Variants in CDC123 observed in about 807,000 individuals in gnomAD.
CDC123 encodes cell division cycle 123, also known as translation initiation factor eIF2 assembly protein.
In CDC123, 37 loss-of-function variants were observed where a neutral mutation model predicts 54.4. The observed-to-expected ratio is 0.68, with a 90% confidence interval of 0.52 to 0.89. The LOEUF is 0.89. CDC123 is among the 40% of genes least tolerant of loss of function. The pLI is 0.00. For synonymous variants in CDC123, 144 were observed against 136.8 expected, an observed-to-expected ratio of 1.05 and a Z score of -0.37; for missense variants, 361 against 412.1, an observed-to-expected ratio of 0.88 and a Z score of 1.07.
intron 10 of CDC123, among the ~76,000 whole-genome samples, chr10:12,244,329 A>G (rs1251849972): frequency 6.6e-6 from 1 of 152,270 alleles, no homozygotes; most frequent in African/African-American, 2.4e-5. Flanking sequence ...CAAATATATG[A>G]ATGTTTCAGT....
At position 12,227,796 on chromosome 10, in the gene CDC123, C is replaced by G. The variant is rs147038392; in HGVS notation, c.441-3152C>G. On this transcript the variant is annotated intron_variant, in intron 6 of 12. Coordinates refer to ENST00000281141, the MANE Select transcript of CDC123 (RefSeq NM_006023.3). ...CAGGCGTGAGTCACCGCACCCAGTC[C>G]AAAAATAATTTTCTTAAATAATAGA... 3.2e-3 allele frequency among the ~76,000 whole-genome samples: 481 copies of G among 151,948 alleles called. 5 individuals are homozygous for G. The highest frequency in any genetic ancestry group is 0.011 in the African/African-American group (447 of 41,438).
At position 12,246,189 on chromosome 10, in the gene CDC123, TCA is replaced by T; in HGVS notation, c.761_762del (p.Thr254ArgfsTer13). 6.2e-7 allele frequency: 1 copy of T among 1,614,076 alleles called. No homozygotes were observed. The highest frequency in any genetic ancestry group is 8.5e-7 in the Non-Finnish European group (1 of 1,179,916). On this transcript the variant is annotated frameshift_variant, in exon 11 of 13. Transcript: ENST00000281141. LOFTEE classifies it high-confidence loss of function. ...ATTGACTTTAATCCATTTGGTGAAG[TCA>T]CAGATTCACTGCTGTTCACCTGGGA... is the stretch of plus-strand genomic sequence containing the variant.
At chr10:12,232,094 G>C (rs150716171) in intron 7 of CDC123, among the ~76,000 whole-genome samples, 3,120 of 152,118 alleles carry the variant, frequency 0.021, 103 homozygotes, top group African/African-American at 0.07. Context: ...TGAAACGCCT[G>C]CCTCAGCCTC....
At chr10:12,208,611 G>A (rs1229809605) in intron 2 of CDC123, among the ~76,000 whole-genome samples, 1 of 152,202 alleles carries the variant, frequency 6.6e-6, no homozygotes, top group African/African-American at 2.4e-5. Context: ...GCTTTGTGCA[G>A]CGCTGATAAT....
intron 6 of CDC123, among the ~76,000 whole-genome samples, chr10:12,226,409 C>A (rs1056434065): frequency 1.3e-5 from 2 of 151,976 alleles, no homozygotes; most frequent in African/African-American, 4.8e-5. Context: ...GGCTCTCCCC[C>A]ACCTCCTGGA....
intron 4 of CDC123, among the ~76,000 whole-genome samples, chr10:12,213,940 T>TA (rs113200985): frequency 0.019 from 2,924 of 152,306 alleles, 85 homozygotes; most frequent in African/African-American, 0.065. Flanking sequence ...CACTATCACT[T>TA]ACCTAGAATT....
chr10:12,217,675 C>T (rs1219217452), intron 6 of CDC123, among the ~76,000 whole-genome samples: 1 of 152,198 alleles, frequency 6.6e-6, no homozygotes, highest in Non-Finnish European at 1.5e-5. Flanking sequence ...ATGTTAAGGA[C>T]TTCCTGCGTC....
chr10:12,225,863 CAT>C (rs1459026122), intron 6 of CDC123, among the ~76,000 whole-genome samples: 3 of 138,312 alleles, frequency 2.2e-5, no homozygotes, highest in Admixed American at 1.6e-4. Flanking sequence ...AGCAGATAAA[CAT>C]GTGAACAAGG....
In CDC123 at chr10:12,238,466, A is replaced by G. The variant is rs751551758; in HGVS notation, c.698A>G (p.Asp233Gly). 6.2e-7 allele frequency: 1 copy of G among 1,607,550 alleles called. No homozygotes were observed. The highest frequency in any genetic ancestry group is 8.5e-7 in the Non-Finnish European group (1 of 1,178,080). Residue 233 changes from aspartate (D) to glycine (G), a missense_variant, in exon 10 of 13, where the codon GAT becomes GGT. Asp to Gly is a moderately conservative substitution (Grantham distance 94). Coordinates refer to ENST00000281141, the MANE Select transcript of CDC123 (RefSeq NM_006023.3). ...TTTTTCTCCTTTACAGTTGTGTTCGATATATACAGAGACAGTAGGGTAAGT... is the reference window on the plus strand; with the variant it reads ...TTTTTCTCCTTTACAGTTGTGTTCGGTATATACAGAGACAGTAGGGTAAGT... Reference protein sequence around the residue: ...YKFLDEDFVFDIYRDSRGKVW... With the variant: ...YKFLDEDFVFGIYRDSRGKVW...
chr10:12,225,945 T>G (rs1235678535), intron 6 of CDC123, among the ~76,000 whole-genome samples: 1 of 151,780 alleles, frequency 6.6e-6, no homozygotes, highest in Non-Finnish European at 1.5e-5. Context: ...TACTTGAGAT[T>G]AGGGAGTGGT....
intron 10 of CDC123, among the ~76,000 whole-genome samples, chr10:12,241,329 C>T (rs766582641): frequency 6.6e-6 from 1 of 152,074 alleles, no homozygotes; most frequent in Non-Finnish European, 1.5e-5. Flanking sequence ...TTCCTGTGAA[C>T]GAGATCACAT....
intron 6 of CDC123, among the ~76,000 whole-genome samples, chr10:12,227,148 C>G (rs185004717): frequency 1.3e-5 from 2 of 152,038 alleles, no homozygotes; most frequent in African/African-American, 2.4e-5. Flanking sequence ...CCCAGGCACT[C>G]GGCAGGCTGA....
In CDC123 at chr10:12,235,050, C is replaced by T. The variant is rs1250888911; in HGVS notation, c.492C>T (p.Leu164=). ...DSPDPCIEYE[L]VLRKWCELIP... ...AATATTTTTTCTTTTGTTTACAGCT[C>T]GTTCTCCGAAAATGGTGTGAATTGA... The change falls in exon 8 of 13, where the codon CTC becomes CTT. Residue 164 remains leucine (L), a splice_region_variant and synonymous_variant. Coordinates refer to ENST00000281141, the MANE Select transcript of CDC123 (RefSeq NM_006023.3). 10 of 1,612,894 alleles carry T rather than the reference C, an allele frequency of 6.2e-6. No individual in the cohort carries two copies. Among genetic ancestry groups the T allele is most frequent in the East Asian group, 2.2e-5 (1 of 44,874 alleles).
chr10:12,237,838 G>C (rs932098905), intron 9 of CDC123, among the ~76,000 whole-genome samples: 4 of 152,156 alleles, frequency 2.6e-5, no homozygotes, highest in Non-Finnish European at 5.9e-5. Context: ...TATCTACAGA[G>C]AACAAAGTCT....
rs952661739 is a variant in CDC123 at position 12,204,664 on chromosome 10, T to C, written c.147-5303T>C. Among the ~76,000 whole-genome samples the C allele has an allele frequency of 7.2e-5, 11 of 152,160 alleles. 1 individual carries two copies. Among genetic ancestry groups the C allele is most frequent in the African/African-American group, 2.4e-4 (10 of 41,430 alleles). The stretch of plus-strand genomic sequence containing the variant: ...GTCTTTATTTTTAGATGTACAGTTA[T>C]TATTGACTATAGTCACTCTATTGTT... On this transcript the variant is annotated intron_variant, in intron 2 of 12. Coordinates refer to ENST00000281141, the MANE Select transcript of CDC123 (RefSeq NM_006023.3).
At chr10:12,243,795 AAAAG>A (rs1440721167) in intron 10 of CDC123, among the ~76,000 whole-genome samples, 61 of 152,268 alleles carry the variant, frequency 4.0e-4, no homozygotes, top group African/African-American at 1.1e-3. Flanking sequence ...AAAAAAAAAA[AAAAG>A]AAAGTCAAGT....
chr10:12,210,000 T>C lies in CDC123; in HGVS notation c.180T>C (p.Ser60=), dbSNP rs190469539. The change falls in exon 3 of 13, where the codon AGT becomes AGC. Residue 60 remains serine (S), a synonymous_variant. Transcript: ENST00000281141. ...CACCAACACATTCTCAGCCAGACAGTGATGATGAAGCAGAAGAAATACAGG... is the reference window on the plus strand; with the variant it reads ...CACCAACACATTCTCAGCCAGACAGCGATGATGAAGCAGAAGAAATACAGG... ...DDPPTHSQPD[S]DDEAEEIQWS... The C allele has an allele frequency of 1.2e-6, 2 of 1,614,124 alleles. No homozygotes were observed. Among genetic ancestry groups the C allele is most frequent in the East Asian group, 2.2e-5 (1 of 44,880 alleles).
chr10:12,214,798 T>C (rs1208600703), intron 4 of CDC123, among the ~76,000 whole-genome samples: 2 of 152,220 alleles, frequency 1.3e-5, no homozygotes, highest in Non-Finnish European at 2.9e-5. Flanking sequence ...AGTCTGTCTT[T>C]TTTTTTTCCT....
intron 2 of CDC123, among the ~76,000 whole-genome samples, chr10:12,204,237 G>A (rs571947580): frequency 2.0e-4 from 30 of 152,258 alleles, no homozygotes; most frequent in African/African-American, 7.0e-4. Flanking sequence ...TGACGCAGGT[G>A]GTACCTCCCT....
Sources: allele counts gnomAD v4.1 joint callset (sites outside exome capture counted in the v4.1 genomes callset), GRCh38; gene constraint gnomAD v4.1.1; transcripts MANE v1.5; gene names NCBI Gene and HGNC (gene_info 2026-07-23, HGNC 2026-07-21).